Variants in CSPG5 observed in about 807,000 individuals in gnomAD.
The protein encoded by CSPG5 is acidic leucine-rich EGF-like domain-containing brain protein.
A neutral mutation model predicts 39.8 loss-of-function variants in CSPG5; 25 were observed. The ratio of observed to expected loss-of-function variants is 0.63; its 90% CI spans 0.46 to 0.88. The LOEUF is 0.88. Among genes scored for constraint, CSPG5 ranks in the 40% least tolerant of loss-of-function variants. The pLI is 0.00. For synonymous variants in CSPG5, 295 were observed against 303.9 expected, an observed-to-expected ratio of 0.97 and a Z score of 0.31; for missense variants, 627 against 702.2, an observed-to-expected ratio of 0.89 and a Z score of 1.21.
chr3:47,578,415 C>A lies in CSPG5; in HGVS notation c.97+182G>T, dbSNP rs1318530934. Among the ~76,000 whole-genome samples the A allele has an allele frequency of 2.0e-5, 3 of 150,310 alleles. No individual in the cohort carries two copies. The highest frequency in any genetic ancestry group is 4.9e-5 in the African/African-American group (2 of 41,106). ...CTACCCCAACCGGGGTCGGCCCCCA[C>A]GCGGGTCGGCCTTTCCCGGACCCCC... On this transcript the variant is annotated intron_variant, in intron 1 of 4. Transcript: ENST00000264723. The surrounding 1 kb of genome is among the most constrained non-coding windows in gnomAD (Gnocchi z 6.0).
chr3:47,569,600 T>A (rs1325629202), intron 3 of CSPG5, among the ~76,000 whole-genome samples: 1 of 149,390 alleles, frequency 6.7e-6, no homozygotes, highest in African/African-American at 2.5e-5. Flanking sequence ...CGAGACTCCA[T>A]CTCAAAAAAA....
chr3:47,569,820 T>A (rs1327718228), intron 3 of CSPG5, among the ~76,000 whole-genome samples: 1 of 150,318 alleles, frequency 6.7e-6, no homozygotes. Context: ...CAATCACAGC[T>A]CACTGCAGCC....
At chr3:47,570,866 G>C (rs1321667569) in intron 3 of CSPG5, among the ~76,000 whole-genome samples, 1 of 152,130 alleles carries the variant, frequency 6.6e-6, no homozygotes, top group Non-Finnish European at 1.5e-5. Context: ...CTTTAGATAA[G>C]GGACTGACAA....
At chr3:47,575,251 C>G (rs766146167) in intron 2 of CSPG5, among the ~76,000 whole-genome samples, 1 of 152,140 alleles carries the variant, frequency 6.6e-6, no homozygotes, top group African/African-American at 2.4e-5. Flanking sequence ...TATGGTGAAA[C>G]CCCATCTCTA....
rs1343162121 is a variant in CSPG5, at chr3:47,571,165, A to G, written c.1382+1521T>C. On this transcript the variant is annotated intron_variant, in intron 3 of 4. Coordinates refer to ENST00000264723, the MANE Select transcript of CSPG5 (RefSeq NM_006574.4). ...TTTCAGAGATGTTAATATGTGGGGAAAAAAGGTATATTTTAGAATAAATAA... is the reference window on the plus strand; with the variant it reads ...TTTCAGAGATGTTAATATGTGGGGAGAAAAGGTATATTTTAGAATAAATAA... Among the ~76,000 whole-genome samples the G allele has an allele frequency of 1.1e-4, 16 of 152,310 alleles. No homozygotes were observed. In the South Asian group the frequency reaches 2.3e-3, roughly 22 times the overall value.
intron 3 of CSPG5, among the ~76,000 whole-genome samples, chr3:47,569,764 T>C (rs1159504948): frequency 6.6e-6 from 1 of 151,264 alleles, no homozygotes; most frequent in Non-Finnish European, 1.5e-5. Flanking sequence ...TTTTTTTTTT[T>C]TGAGACAGGG....
chr3:47,571,128 GAC>G (rs2108199121), intron 3 of CSPG5, among the ~76,000 whole-genome samples: 1 of 150,730 alleles, frequency 6.6e-6, no homozygotes, highest in East Asian at 2.0e-4. Flanking sequence ...GTGATTGTAA[GAC>G]ACAATCCAAT....
At chr3:47,564,693 T>C (rs767305129) in intron 4 of CSPG5, among the ~76,000 whole-genome samples, 7 of 152,182 alleles carry the variant, frequency 4.6e-5, no homozygotes, top group Non-Finnish European at 8.8e-5. Flanking sequence ...ATCTCCATCA[T>C]ACACTGATTG....
intron 4 of CSPG5, among the ~76,000 whole-genome samples, chr3:47,567,386 G>A (rs947269180): frequency 2.6e-5 from 4 of 152,106 alleles, no homozygotes; most frequent in Admixed American, 2.6e-4. Flanking sequence ...TGTGCTCACC[G>A]AGACTCTGTC....
At chr3:47,570,468 C>T (rs937865052) in intron 3 of CSPG5, among the ~76,000 whole-genome samples, 2 of 151,836 alleles carry the variant, frequency 1.3e-5, no homozygotes, top group Non-Finnish European at 2.9e-5. Context: ...AATAAAAACA[C>T]TTCCACCACT....
chr3:47,569,494 C>G (rs1237901598), intron 3 of CSPG5, among the ~76,000 whole-genome samples: 2 of 151,840 alleles, frequency 1.3e-5, no homozygotes, highest in Non-Finnish European at 2.9e-5. Flanking sequence ...ATCCCAGCTA[C>G]CTGGGAGGCT....
chr3:47,565,571 T>C (rs2031262739), intron 4 of CSPG5, among the ~76,000 whole-genome samples: 1 of 151,964 alleles, frequency 6.6e-6, no homozygotes. Context: ...AGGGGTCATG[T>C]GGGTTCAGGC....
intron 2 of CSPG5, among the ~76,000 whole-genome samples, chr3:47,573,531 G>A (rs1200170758): frequency 6.6e-6 from 1 of 152,150 alleles, no homozygotes; most frequent in Non-Finnish European, 1.5e-5. Context: ...TCAACCCTCT[G>A]GGTGGGTTTT....
rs755566544 is a variant in CSPG5, at chr3:47,562,763, T to C, written c.1459-2A>G. The C allele has an allele frequency of 6.3e-7, 1 of 1,597,392 alleles. No individual in the cohort carries two copies. The highest frequency in any genetic ancestry group is 8.5e-7 in the Non-Finnish European group (1 of 1,170,174). On this transcript the variant is annotated splice_acceptor_variant, in intron 4 of 4. Coordinates refer to ENST00000264723, the MANE Select transcript of CSPG5 (RefSeq NM_006574.4). LOFTEE classifies it high-confidence loss of function. Reference sequence around the variant, plus strand: ...TTTGTGGGGAGCACTAGGATCATCCTGGAAGAGGGAAAAAGTTGGGGGGGG... The same window carrying C: ...TTTGTGGGGAGCACTAGGATCATCCCGGAAGAGGGAAAAAGTTGGGGGGGG...
At position 47,578,052 on chromosome 3, in the gene CSPG5, A is replaced by G; in HGVS notation, c.98-124T>C. The stretch of plus-strand genomic sequence containing the variant: ...TCAACCCAGACCTCGCCACCCTCAG[A>G]CCCCACCGCCCCAGTGTGACCCCAG... On this transcript the variant is annotated intron_variant, in intron 1 of 4. Transcript: ENST00000264723. This position sits in a 1 kb window ranked among gnomAD's most constrained non-coding sequence, Gnocchi z 6.0. 1 of 1,292,636 alleles carries G rather than the reference A, an allele frequency of 7.7e-7. No homozygotes were observed. 80.1% of individuals were successfully genotyped at this position (1,292,636 alleles called of 1,614,324 possible).
At position 47,573,613 on chromosome 3, in the gene CSPG5, C is replaced by A. The variant is rs1276873551; in HGVS notation, c.1194-739G>T. Reference sequence around the variant, plus strand: ...GGCTCCAACTCTTCCAATGACATTGCTGTTTCCATGGGAACCAGGCTGCTT... The same window carrying A: ...GGCTCCAACTCTTCCAATGACATTGATGTTTCCATGGGAACCAGGCTGCTT... On this transcript the variant is annotated intron_variant, in intron 2 of 4. Coordinates refer to ENST00000264723, the MANE Select transcript of CSPG5 (RefSeq NM_006574.4). Among the ~76,000 whole-genome samples the A allele has an allele frequency of 2.6e-5, 4 of 152,186 alleles. No individual in the cohort carries two copies. In the East Asian group the frequency reaches 7.7e-4, roughly 29 times the overall value.
At chr3:47,568,325 T>C (rs1460142066) in intron 4 of CSPG5, among the ~76,000 whole-genome samples, 1 of 152,222 alleles carries the variant, frequency 6.6e-6, no homozygotes, top group Non-Finnish European at 1.5e-5. Flanking sequence ...AAATTCTCTC[T>C]AGTATTTGAC....
chr3:47,563,725 T>G (rs1296959017), intron 4 of CSPG5, among the ~76,000 whole-genome samples: 1 of 152,044 alleles, frequency 6.6e-6, no homozygotes, highest in Non-Finnish European at 1.5e-5. Context: ...CCGGCTAACT[T>G]GTATTTTCAG....
Position 47,562,544 on chromosome 3 carries a change from T to C in CSPG5, c.*56A>G. ...ATAGACTCTGTACAAGAGGAGATAA[T>C]GTTTCTTCCCCTACCCCCCACCCAC... On this transcript the variant is annotated 3_prime_UTR_variant, in exon 5 of 5. Transcript: ENST00000264723. 1 of 1,486,942 alleles carries C rather than the reference T, an allele frequency of 6.7e-7. No homozygotes were observed. The highest frequency in any genetic ancestry group is 9.3e-7 in the Non-Finnish European group (1 of 1,076,826). The allele number at this position is 1,486,942 out of a possible 1,614,324, so 92.1% of individuals were successfully genotyped here. A position where few individuals can be genotyped will look rare whatever the true frequency, so the allele number is the denominator to read the frequency against.
Sources: allele counts gnomAD v4.1 joint callset (sites outside exome capture counted in the v4.1 genomes callset), GRCh38; gene constraint gnomAD v4.1.1; non-coding constraint Gnocchi (gnomAD v3.1); transcripts MANE v1.5; gene names NCBI Gene and HGNC (gene_info 2026-07-23, HGNC 2026-07-21).